The following FIP1L1 variants were observed in gnomAD, a reference collection of about 807,000 sequenced individuals.
FIP1L1 encodes factor interacting with PAPOLA and CPSF1.
A neutral mutation model predicts 84.6 loss-of-function variants in FIP1L1; 21 were observed. That is an observed-to-expected ratio of 0.25 (90% CI 0.18 to 0.36). FIP1L1 has a LOEUF of 0.36. Among genes scored for constraint, FIP1L1 ranks in the 10% least tolerant of loss-of-function variants. The pLI is 1.00. For missense variants in FIP1L1, 526 were observed against 751.1 expected (o/e 0.70, Z 3.50); for synonymous variants, 263 against 242.3 (o/e 1.09, Z -0.80).
chr4:53,459,088 GATA>G (rs1579303555), intron 17 of FIP1L1, among the ~76,000 whole-genome samples: 2 of 152,174 alleles, frequency 1.3e-5, no homozygotes, highest in African/African-American at 4.8e-5. Flanking sequence ...GGGAATCTGA[GATA>G]ATATCAGTGA....
intron 11 of FIP1L1, among the ~76,000 whole-genome samples, chr4:53,420,208 A>AC (rs1220805544): frequency 2.0e-5 from 3 of 146,698 alleles, no homozygotes; most frequent in Non-Finnish European, 3.0e-5. Context: ...AAAAAAAAAA[A>AC]AAAAAAAAAA....
chr4:53,459,292 T>TG lies in FIP1L1; in HGVS notation c.1638-10_1638-9insG. The TG allele has an allele frequency of 6.8e-7, 1 of 1,468,164 alleles. No homozygotes were observed. Among genetic ancestry groups the TG allele is most frequent in the Non-Finnish European group, 9.0e-7 (1 of 1,107,356 alleles). 90.9% of individuals were successfully genotyped at this position (1,468,164 alleles called of 1,614,324 possible). A position where few individuals can be genotyped will look rare whatever the true frequency, so the allele number is the denominator to read the frequency against. On this transcript the variant is annotated splice_polypyrimidine_tract_variant and intron_variant, in intron 17 of 17. Transcript: ENST00000337488. The stretch of plus-strand genomic sequence containing the variant: ...CAGAACACACCTTTTTTTTTTTTTT[T>TG]TTTTTCCAGTAATAGTAGACGTCGC...
rs116244799 is a variant in FIP1L1, at chr4:53,428,371, A to G, written c.1174+188A>G. On this transcript the variant is annotated intron_variant, in intron 13 of 17. Coordinates refer to ENST00000337488, the MANE Select transcript of FIP1L1 (RefSeq NM_030917.4). ...GCTATTTCAATATAGGAAAGAGACA[A>G]TGTTCTAAAATTAAGAAGAATATAC... 3,536 of 523,210 alleles carry G rather than the reference A, an allele frequency of 6.8e-3. 106 individuals are homozygous for G. The highest frequency in any genetic ancestry group is 0.061 in the African/African-American group (3,144 of 51,488). 32.4% of individuals were successfully genotyped at this position (523,210 alleles called of 1,614,324 possible). A position where few individuals can be genotyped will look rare whatever the true frequency, so the allele number is the denominator to read the frequency against.
At chr4:53,410,087 C>T (rs528270485) in intron 10 of FIP1L1, among the ~76,000 whole-genome samples, 2 of 152,358 alleles carry the variant, frequency 1.3e-5, no homozygotes, top group South Asian at 2.1e-4. Flanking sequence ...CTGCGTCGCT[C>T]ACGCTGGGAG....
chr4:53,390,794 T>G (rs1743870731), intron 7 of FIP1L1, among the ~76,000 whole-genome samples, 166 bp downstream of exon 7: 1 of 152,194 alleles, frequency 6.6e-6, no homozygotes, highest in Non-Finnish European at 1.5e-5. Context: ...ACTGGTGGCC[T>G]TGTATTACTT....
Position 53,453,105 on chromosome 4 carries a change from C to T in FIP1L1, c.1471C>T (p.His491Tyr). The T allele has an allele frequency of 3.1e-6, 5 of 1,614,008 alleles. No homozygotes were observed. Among genetic ancestry groups the T allele is most frequent in the Non-Finnish European group, 4.2e-6 (5 of 1,179,952 alleles). Reference sequence around the variant, plus strand: ...CAGAGAGAGAGAGAGGGAGCGTGATCACAGTCCTACACCAAGTGTTTTCAA... The same window carrying T: ...CAGAGAGAGAGAGAGGGAGCGTGATTACAGTCCTACACCAAGTGTTTTCAA... ...RTRERERERD[H>Y]SPTPSVFNSD... The change falls in exon 16 of 18, where the codon CAC becomes TAC. Residue 491 changes from histidine (H) to tyrosine (Y), a missense_variant. Coordinates refer to ENST00000337488, the MANE Select transcript of FIP1L1 (RefSeq NM_030917.4).
chr4:53,444,758 G>A (rs746810605), intron 15 of FIP1L1, among the ~76,000 whole-genome samples: 1 of 152,052 alleles, frequency 6.6e-6, no homozygotes, highest in Non-Finnish European at 1.5e-5. Context: ...ATTTTGTAGA[G>A]ATAGGGTCTC....
chr4:53,423,059 T>G (rs1474341604), intron 11 of FIP1L1, among the ~76,000 whole-genome samples: 1 of 152,196 alleles, frequency 6.6e-6, no homozygotes. Flanking sequence ...CCCTGATTTG[T>G]CATCTTAAAC....
chr4:53,389,009 T>C (rs1210667822), intron 5 of FIP1L1, among the ~76,000 whole-genome samples: 2 of 152,224 alleles, frequency 1.3e-5, no homozygotes. Context: ...TGCAGCTTAA[T>C]ATTTTTTCAA....
At chr4:53,408,716 A>G (rs1319997456) in intron 10 of FIP1L1, among the ~76,000 whole-genome samples, 1 of 151,786 alleles carries the variant, frequency 6.6e-6, no homozygotes, top group East Asian at 1.9e-4. Context: ...TTTTCTCTAA[A>G]CTTCCCTTCT....
At chr4:53,410,484 A>G (rs1261186424) in intron 10 of FIP1L1, among the ~76,000 whole-genome samples, 1 of 152,138 alleles carries the variant, frequency 6.6e-6, no homozygotes, top group Non-Finnish European at 1.5e-5. Context: ...CTCATTAGCA[A>G]TTCCTGGGCC....
chr4:53,409,432 C>T (rs1364454920), intron 10 of FIP1L1, among the ~76,000 whole-genome samples: 2 of 152,318 alleles, frequency 1.3e-5, no homozygotes, highest in East Asian at 3.9e-4. Flanking sequence ...ACTTAGACTG[C>T]TCGGGGGTCA....
chr4:53,430,214 A>G (rs17839071), intron 13 of FIP1L1, among the ~76,000 whole-genome samples: 19,757 of 152,156 alleles, frequency 0.13, 2,564 homozygotes, highest in African/African-American at 0.32. Flanking sequence ...GTATGAATTA[A>G]TGACAACAAA....
intron 10 of FIP1L1, among the ~76,000 whole-genome samples, chr4:53,409,086 T>G (rs943594296): frequency 1.3e-5 from 2 of 152,330 alleles, no homozygotes; most frequent in Admixed American, 1.3e-4. Flanking sequence ...TTTTAGAGTT[T>G]CGAGTTTTTC....
intron 16 of FIP1L1, among the ~76,000 whole-genome samples, chr4:53,454,354 C>T (rs1400691803): frequency 6.6e-6 from 1 of 152,178 alleles, no homozygotes; most frequent in African/African-American, 2.4e-5. Flanking sequence ...TGTGTAAGTA[C>T]ACTCTGTGGT....
Position 53,447,859 on chromosome 4 carries a change from C to T in FIP1L1, c.1285+3756C>T, listed in dbSNP as rs146935061. ...ATTTTAAATATTCTTGTGCATGAAA[C>T]GAAGTTTTGACTGTATTTTGACTGA... On this transcript the variant is annotated intron_variant, in intron 15 of 17. Coordinates refer to ENST00000337488, the MANE Select transcript of FIP1L1 (RefSeq NM_030917.4). Among the ~76,000 whole-genome samples, 571 of 152,008 alleles carry T rather than the reference C, an allele frequency of 3.8e-3. 2 individuals carry two copies. The highest frequency in any genetic ancestry group is 5.8e-3 in the Non-Finnish European group (396 of 67,914).
chr4:53,407,817 C>A (rs916362225), intron 10 of FIP1L1, among the ~76,000 whole-genome samples: 1 of 151,866 alleles, frequency 6.6e-6, no homozygotes, highest in Non-Finnish European at 1.5e-5. Context: ...GGACTGCAAC[C>A]CCTGCCTTTT....
In FIP1L1 at chr4:53,407,527, T is replaced by C. The variant is rs540542488; in HGVS notation, c.816-7088T>C. 6.9e-3 allele frequency among the ~76,000 whole-genome samples: 1,046 copies of C among 152,216 alleles called. 12 individuals carry two copies. Among genetic ancestry groups the C allele is most frequent in the African/African-American group, 0.024 (1,002 of 41,528 alleles). ...GAGTTCTGTAGATGTCTATTAGGTCTGCTTGGTGCAGAGCTGAGTTCAAGT... is the reference window on the plus strand; with the variant it reads ...GAGTTCTGTAGATGTCTATTAGGTCCGCTTGGTGCAGAGCTGAGTTCAAGT... On this transcript the variant is annotated intron_variant, in intron 10 of 17. Transcript: ENST00000337488.
intron 16 of FIP1L1, among the ~76,000 whole-genome samples, chr4:53,454,750 A>G (rs562865180): frequency 1.3e-5 from 2 of 152,208 alleles, no homozygotes; most frequent in Admixed American, 6.5e-5. Context: ...CACCAGCTAC[A>G]TTAAGGAACA....
Sources: gnomAD v4.1 joint callset for allele counts (sites outside exome capture counted in the v4.1 genomes callset) on GRCh38, gnomAD v4.1.1 for gene constraint, MANE v1.5 for transcripts, NCBI Gene and HGNC (gene_info 2026-07-23, HGNC 2026-07-21) for gene names.